EHBP1: variants seen among roughly 807,000 people sequenced by gnomAD.
EHBP1 encodes EH domain binding protein 1.
Under a neutral mutation model 144.0 loss-of-function variants are expected in EHBP1, and 55 were observed. The ratio of observed to expected loss-of-function variants is 0.38; its 90% CI spans 0.31 to 0.48. The LOEUF (loss-of-function observed/expected upper bound fraction) is 0.48, where lower values mean the gene tolerates loss of function less well. Ranked by LOEUF, EHBP1 falls within the 20% of genes least tolerant of loss-of-function variation. EHBP1 has a pLI of 0.98. For missense variants in EHBP1, 1,200 were observed against 1,364.2 expected (o/e 0.88, Z 1.90); for synonymous variants, 469 against 472.7 (o/e 0.99, Z 0.10).
chr2:63,039,891 T>C (rs1282179075), intron 21 of EHBP1, among the ~76,000 whole-genome samples: 1 of 152,126 alleles, frequency 6.6e-6, no homozygotes, highest in Non-Finnish European at 1.5e-5. Context: ...CTGATTTACC[T>C]TATTTTGAAA....
intron 10 of EHBP1, among the ~76,000 whole-genome samples, chr2:62,920,414 C>T (rs527304005): frequency 2.6e-5 from 4 of 152,240 alleles, no homozygotes; most frequent in African/African-American, 9.6e-5. Context: ...TTAAGACATT[C>T]TCAGATTAAC....
At chr2:62,898,105 G>A (rs552492514) in intron 10 of EHBP1, among the ~76,000 whole-genome samples, 1 of 152,276 alleles carries the variant, frequency 6.6e-6, no homozygotes, top group East Asian at 1.9e-4. Flanking sequence ...AGGTCACACA[G>A]GGCCTCAAAG....
chr2:62,961,313 G>C (rs930132476), intron 14 of EHBP1, among the ~76,000 whole-genome samples: 1 of 152,068 alleles, frequency 6.6e-6, no homozygotes, highest in Non-Finnish European at 1.5e-5. Context: ...CTTTTTTCAT[G>C]AAAGTCATTT....
At chr2:62,994,622 C>T (rs2059560027) in intron 18 of EHBP1, among the ~76,000 whole-genome samples, 1 of 152,064 alleles carries the variant, frequency 6.6e-6, no homozygotes, top group Non-Finnish European at 1.5e-5. Flanking sequence ...GAATTTTTGT[C>T]TGGAAGCATA....
chr2:62,950,707 C>G (rs1385200142), intron 13 of EHBP1, among the ~76,000 whole-genome samples: 2 of 150,272 alleles, frequency 1.3e-5, no homozygotes, highest in Non-Finnish European at 3.0e-5. Flanking sequence ...TTTTTTGAAA[C>G]AGAGTTTCAC....
In EHBP1 at chr2:62,859,179, C is replaced by T; in HGVS notation, c.645C>T (p.Asn215=). The T allele has an allele frequency of 1.2e-6, 2 of 1,610,546 alleles. No homozygotes were observed. Among genetic ancestry groups the T allele is most frequent in the Non-Finnish European group, 1.7e-6 (2 of 1,177,792 alleles). Residue 215 remains asparagine, a synonymous_variant, in exon 8 of 23, where the codon AAC becomes AAT. Coordinates refer to ENST00000431489, the MANE Select transcript of EHBP1 (RefSeq NM_001142616.3). ...TATGTTTATTTTCAGAGCTTATCAA[C>T]AAACTTAACTTTTTGGATGAAGCAG... ...EKAAKITELI[N]KLNFLDEAEK... is the part of the protein sequence containing the mutation.
upstream of EHBP1, among the ~76,000 whole-genome samples, chr2:62,701,392 C>T (rs1175812435): frequency 6.6e-6 from 1 of 152,066 alleles, no homozygotes; most frequent in African/African-American, 2.4e-5. Context: ...TATAGCACAT[C>T]TCAATTGGGA....
chr2:62,677,766 T>C (rs2033359259), intron 1 of EHBP1, among the ~76,000 whole-genome samples: 1 of 152,180 alleles, frequency 6.6e-6, no homozygotes, highest in African/African-American at 2.4e-5. Flanking sequence ...GCTTATTTCA[T>C]TTAACATAAT....
chr2:62,805,203 C>A (rs2044346647), intron 5 of EHBP1, among the ~76,000 whole-genome samples: 2 of 151,854 alleles, frequency 1.3e-5, no homozygotes, highest in African/African-American at 2.4e-5. Flanking sequence ...GAAAACAACC[C>A]AAATGTCCAA....
intron 5 of EHBP1, among the ~76,000 whole-genome samples, chr2:62,781,148 A>AT (rs1226476794): frequency 6.6e-6 from 1 of 152,108 alleles, no homozygotes; most frequent in African/African-American, 2.4e-5. Context: ...CACTATGAAG[A>AT]TTAAGTTTAG....
chr2:62,684,917 G>A (rs2033667730), intron 1 of EHBP1, among the ~76,000 whole-genome samples: 1 of 152,166 alleles, frequency 6.6e-6, no homozygotes, highest in Non-Finnish European at 1.5e-5. Context: ...TCACAGCTCT[G>A]GAGGTTAGAA....
At chr2:62,777,750 A>G (rs1225506094) in intron 5 of EHBP1, among the ~76,000 whole-genome samples, 1 of 152,222 alleles carries the variant, frequency 6.6e-6, no homozygotes, top group Non-Finnish European at 1.5e-5. Context: ...AAGGAAAAAC[A>G]TAAAAATGTT....
intron 2 of EHBP1, among the ~76,000 whole-genome samples, chr2:62,724,043 A>G (rs921512398): frequency 2.0e-5 from 3 of 152,190 alleles, no homozygotes; most frequent in Non-Finnish European, 4.4e-5. Context: ...GGAAGTTCTC[A>G]TGGATGGTAT....
intron 19 of EHBP1, among the ~76,000 whole-genome samples, chr2:63,021,156 A>G (rs541034800): frequency 9.9e-5 from 15 of 151,682 alleles, no homozygotes; most frequent in Admixed American, 2.0e-4. Flanking sequence ...CTTAGCTTCT[A>G]ATATACACAT....
intron 14 of EHBP1, chr2:62,965,106 G>A (rs1466735232): frequency 1.3e-5 from 2 of 152,536 alleles, no homozygotes; most frequent in Non-Finnish European, 2.9e-5. Flanking sequence ...TTTAGCCGCA[G>A]AAACTGTTTG....
At chr2:62,855,070 A>C (rs533567880) in intron 7 of EHBP1, among the ~76,000 whole-genome samples, 1 of 152,290 alleles carries the variant, frequency 6.6e-6, no homozygotes, top group Non-Finnish European at 1.5e-5. Flanking sequence ...GTAACCCCCC[A>C]GCACAGCTTG....
chr2:62,721,312 CT>C (rs1219927021), intron 2 of EHBP1, among the ~76,000 whole-genome samples: 1 of 152,186 alleles, frequency 6.6e-6, no homozygotes, highest in South Asian at 2.1e-4. Flanking sequence ...CCTCTAGCCC[CT>C]GTCACATAAT....
intron 5 of EHBP1, among the ~76,000 whole-genome samples, chr2:62,825,701 A>G (rs1466052082): frequency 6.6e-6 from 1 of 152,054 alleles, no homozygotes; most frequent in Non-Finnish European, 1.5e-5. Flanking sequence ...ATTAGGTTAC[A>G]TTAAATATTA....
chr2:62,780,461 A>G, intron 5 of EHBP1, among the ~76,000 whole-genome samples: 1 of 152,178 alleles, frequency 6.6e-6, no homozygotes, highest in East Asian at 1.9e-4. Flanking sequence ...GAAATTTCAT[A>G]TATATATATC....
Sources: allele counts gnomAD v4.1 joint callset (sites outside exome capture counted in the v4.1 genomes callset), GRCh38; gene constraint gnomAD v4.1.1; transcripts MANE v1.5; gene names NCBI Gene and HGNC (gene_info 2026-07-23, HGNC 2026-07-21).